Variants in TF observed in about 807,000 individuals in gnomAD.
The protein encoded by TF is serotransferrin.
In TF, 55 loss-of-function variants were observed where a neutral mutation model predicts 82.4. That is an observed-to-expected ratio of 0.67 (90% CI 0.54 to 0.84). The LOEUF is 0.84. Ranked by LOEUF, TF falls within the 40% of genes least tolerant of loss-of-function variation. The pLI, the probability that TF is intolerant of heterozygous loss-of-function variation, is 0.00. For missense variants in TF, 737 were observed against 868.4 expected (o/e 0.85, Z 1.90); for synonymous variants, 332 against 332.6 (o/e 1.00, Z 0.02).
chr3:133,730,540 T>A, the TF span, among the ~76,000 whole-genome samples: 1 of 152,194 alleles, frequency 6.6e-6, no homozygotes, highest in Non-Finnish European at 1.5e-5. Flanking sequence ...CAGGAGCCTG[T>A]AGACCCTGGT....
rs1378465207 is a variant in TF at position 133,782,175 on chromosome 3, C to T, written c.*3555C>T. On this transcript the variant is annotated 3_prime_UTR_variant, in exon 17 of 17. Coordinates refer to ENST00000402696, the MANE Select transcript of TF (RefSeq NM_001063.4). ...TAAACGTGGATAAGGGTGAAGAGAA[C>T]AGAAAACCTTTGTGCATTGTTGGTG... 1.3e-5 allele frequency: 2 copies of T among 152,028 alleles called. No homozygotes were observed. Among genetic ancestry groups the T allele is most frequent in the Non-Finnish European group, 2.9e-5 (2 of 67,982 alleles). 9.4% of individuals were successfully genotyped at this position (152,028 alleles called of 1,614,324 possible).
rs1933884727 is a variant in TF, at chr3:133,757,946, T to C, written c.1048T>C (p.Cys350Arg). ...CATCCGGAATCTACGGGAAGGCACA[T>C]GTGAGTACCTGGGAAGAACCAGGTG... ...TAIRNLREGT[C>R]PEAPTDECKP... is the part of the protein sequence containing the mutation. Residue 350 changes from cysteine to arginine, a missense_variant and splice_region_variant, in exon 8 of 17, where the codon TGC (cysteine) becomes CGC (arginine). Cys to Arg is a radical substitution (Grantham distance 180). Transcript: ENST00000402696. 2 of 1,613,932 alleles carry C rather than the reference T, an allele frequency of 1.2e-6. No homozygotes were observed. The highest frequency in any genetic ancestry group is 1.3e-5 in the African/African-American group (1 of 74,910).
At position 133,787,943 on chromosome 3, in the gene TF, A is replaced by G. The variant is rs1352286880; in HGVS notation, c.*9323A>G. ...AAACGACTTTTGGAAGTGAAATGATAACATCAACCCTAAGTGACACATGGG... is the reference window on the plus strand; with the variant it reads ...AAACGACTTTTGGAAGTGAAATGATGACATCAACCCTAAGTGACACATGGG... On this transcript the variant is annotated 3_prime_UTR_variant, in exon 17 of 17. Coordinates refer to ENST00000402696, the MANE Select transcript of TF (RefSeq NM_001063.4). 6.6e-6 allele frequency: 1 copy of G among 152,222 alleles called. No individual in the cohort carries two copies. Among genetic ancestry groups the G allele is most frequent in the Non-Finnish European group, 1.5e-5 (1 of 68,026 alleles). The allele number at this position is 152,222 out of a possible 1,614,324, so 9.4% of individuals were successfully genotyped here.
chr3:133,746,891 C>T (rs1012436489), intron 1 of TF, among the ~76,000 whole-genome samples: 1 of 152,168 alleles, frequency 6.6e-6, no homozygotes, highest in Non-Finnish European at 1.5e-5. Flanking sequence ...AGATGTCCTG[C>T]CAAGGAAGCG....
chr3:133,676,468 C>G, the TF span, among the ~76,000 whole-genome samples: 2 of 152,186 alleles, frequency 1.3e-5, no homozygotes, highest in African/African-American at 2.4e-5. Context: ...TGTGAAGAGC[C>G]CTCCCTGGCT....
At chr3:133,777,532 G>A (rs1934426812) in intron 16 of TF, 1 of 335,170 alleles carries the variant, frequency 3.0e-6, no homozygotes, top group African/African-American at 2.1e-5. Context: ...TTGCTCTGCA[G>A]TAAACTTTTG....
At chr3:133,699,540 G>A in the TF span, 2 of 909,298 alleles carry the variant, frequency 2.2e-6, no homozygotes. Context: ...CTGCCATTTG[G>A]CCTGGGTCCT....
At chr3:133,769,581 CA>C (rs1168448739) in intron 13 of TF, among the ~76,000 whole-genome samples, 1 of 152,146 alleles carries the variant, frequency 6.6e-6, no homozygotes, top group Non-Finnish European at 1.5e-5. Context: ...AAAATTAAAT[CA>C]ATATGTGGCA....
At chr3:133,725,270 G>A in the TF span, among the ~76,000 whole-genome samples, 1 of 152,162 alleles carries the variant, frequency 6.6e-6, no homozygotes, top group Non-Finnish European at 1.5e-5. Context: ...TCACGATATT[G>A]ATTCTTCCTA....
rs956922678 is a variant in TF, at chr3:133,790,728, T to C, written c.*12108T>C. On this transcript the variant is annotated 3_prime_UTR_variant, in exon 17 of 17. Transcript: ENST00000402696. ...TGGAGCCAAATTTCACATACATGCT[T>C]GCATTGCTTCACACTGTTTACTGTT... 1 of 152,248 alleles carries C rather than the reference T, an allele frequency of 6.6e-6. No individual in the cohort carries two copies. Among genetic ancestry groups the C allele is most frequent in the African/African-American group, 2.4e-5 (1 of 41,472 alleles). The allele number at this position is 152,248 out of a possible 1,614,324, so 9.4% of individuals were successfully genotyped here.
the TF span, chr3:133,709,721 G>A: frequency 4.2e-3 from 645 of 153,142 alleles, 1 homozygote; most frequent in Middle Eastern, 0.014. Flanking sequence ...GCCTGTGCCT[G>A]GGTAAAGGAG....
At chr3:133,778,454 G>A (rs1267714533) in intron 16 of TF, 132 bp from the exon 17 acceptor site, 20 of 911,774 alleles carry the variant, frequency 2.2e-5, no homozygotes, top group Middle Eastern at 2.2e-4. Flanking sequence ...CTGGGAGAAC[G>A]GCCCAGTTCA....
chr3:133,754,091 T>G, intron 3 of TF: 1 of 420,600 alleles, frequency 2.4e-6, no homozygotes, highest in Non-Finnish European at 4.4e-6. Flanking sequence ...CCAGCAGCCC[T>G]GCAAGTCTTC....
the TF span, among the ~76,000 whole-genome samples, chr3:133,705,295 A>C: frequency 6.6e-6 from 1 of 152,058 alleles, no homozygotes; most frequent in Admixed American, 6.6e-5. Context: ...AAAAAGGATA[A>C]ATGATGTTTC....
chr3:133,724,706 T>C, the TF span, among the ~76,000 whole-genome samples: 1 of 152,362 alleles, frequency 6.6e-6, no homozygotes, highest in East Asian at 1.9e-4. Flanking sequence ...TTGCTTTTGG[T>C]GTTTTAGACA....
rs1179140170 is a variant in TF at position 133,779,058 on chromosome 3, C to A, written c.*438C>A. 5.0e-6 allele frequency: 1 copy of A among 198,358 alleles called. No homozygotes were observed. The highest frequency in any genetic ancestry group is 1.3e-4 in the East Asian group (1 of 7,990). 12.3% of individuals were successfully genotyped at this position (198,358 alleles called of 1,614,324 possible). A position where few individuals can be genotyped will look rare whatever the true frequency, so the allele number is the denominator to read the frequency against. On this transcript the variant is annotated 3_prime_UTR_variant, in exon 17 of 17. Transcript: ENST00000402696. ...TGCGTGTGTCATGCTAAGGAAGGGG[C>A]AAGAAGGAGGATGCAGAGTGAGTTA...
intron 4 of TF, 152 bp downstream of exon 4, chr3:133,754,823 CACCA>C: frequency 1.1e-6 from 1 of 878,666 alleles, no homozygotes; most frequent in Non-Finnish European, 1.9e-6. Context: ...AGGTCTGCTG[CACCA>C]GCAGCACTTG....
chr3:133,683,695 C>T, the TF span, among the ~76,000 whole-genome samples: 6 of 152,176 alleles, frequency 3.9e-5, no homozygotes, highest in African/African-American at 1.4e-4. Flanking sequence ...CACCCAGATT[C>T]GTAAAGCAAA....
At chr3:133,757,578 A>G (rs1933870722) in intron 7 of TF, among the ~76,000 whole-genome samples, 191 bp from the exon 8 acceptor site, 1 of 152,230 alleles carries the variant, frequency 6.6e-6, no homozygotes, top group Non-Finnish European at 1.5e-5. Context: ...AGGTTCAGGC[A>G]AATCGCGGAC....
Sources: allele counts gnomAD v4.1 joint callset (sites outside exome capture counted in the v4.1 genomes callset), GRCh38; gene constraint gnomAD v4.1.1; transcripts MANE v1.5; gene names NCBI Gene and HGNC (gene_info 2026-07-23, HGNC 2026-07-21).